DNAH6: variants seen among roughly 807,000 people sequenced by gnomAD.
DNAH6 encodes the protein dynein axonemal heavy chain 6.
DNAH6 carries 340 observed loss-of-function variants against 491.4 expected under a neutral mutation model. The ratio of observed to expected loss-of-function variants is 0.69; its 90% CI spans 0.63 to 0.76. DNAH6 has a LOEUF of 0.76. DNAH6 is among the 30% of genes least tolerant of loss of function. The pLI is 0.00. For synonymous variants in DNAH6, 1,603 were observed against 1,686.1 expected, an observed-to-expected ratio of 0.95 and a Z score of 1.21; for missense variants, 4,443 against 4,972.2, an observed-to-expected ratio of 0.89 and a Z score of 3.20.
At chr2:84,675,380 T>G (rs150586054) in intron 40 of DNAH6, among the ~76,000 whole-genome samples, 96 of 152,304 alleles carry the variant, frequency 6.3e-4, no homozygotes, top group African/African-American at 2.1e-3. Flanking sequence ...CCTTGGTGCT[T>G]TAGATCTGGG....
chr2:84,743,326 G>A (rs559123890), intron 62 of DNAH6, among the ~76,000 whole-genome samples: 13 of 152,200 alleles, frequency 8.5e-5, no homozygotes, highest in Non-Finnish European at 1.2e-4. Flanking sequence ...AGATTTCAAG[G>A]TTTGTTCCAG....
chr2:84,566,824 C>G (rs1004718309), intron 11 of DNAH6, among the ~76,000 whole-genome samples: 1 of 151,872 alleles, frequency 6.6e-6, no homozygotes, highest in Non-Finnish European at 1.5e-5. Flanking sequence ...GTAGAATAGA[C>G]GCCAAAATAC....
intron 18 of DNAH6, among the ~76,000 whole-genome samples, chr2:84,599,024 A>C (rs955059873): frequency 1.7e-5 from 1 of 59,810 alleles, no homozygotes; most frequent in African/African-American, 7.6e-5. Flanking sequence ...AGTGAGACTC[A>C]GTTTCAAAAA....
At position 84,703,560 on chromosome 2, in the gene DNAH6, C is replaced by A. The variant is rs1696135935; in HGVS notation, c.8227C>A (p.Gln2743Lys). 1 of 1,550,126 alleles carries A rather than the reference C, an allele frequency of 6.5e-7. No homozygotes were observed. The highest frequency in any genetic ancestry group is 8.7e-7 in the Non-Finnish European group (1 of 1,146,100). Reference protein sequence around the residue: ...KLAVDQESADQVRNTVQEDEA... With the variant: ...KLAVDQESADKVRNTVQEDEA... ...GGCAGTGGATCAAGAAAGTGCCGAT[C>A]AGGTATGCTGCAGTTCCTGAGAATG... Residue 2743 changes from glutamine (Q) to lysine (K), a missense_variant and splice_region_variant, in exon 50 of 77, where the codon CAG becomes AAG. Gln to Lys is a moderately conservative substitution (Grantham distance 53). This residue lies in a region of DNAH6 where 2,977 missense variants were observed against 3,296.6 expected (regional missense o/e 0.90). Transcript: ENST00000389394.
intron 62 of DNAH6, among the ~76,000 whole-genome samples, chr2:84,735,054 A>G (rs1291376538): frequency 1.3e-5 from 2 of 152,002 alleles, no homozygotes; most frequent in Admixed American, 6.6e-5. Flanking sequence ...GCCTCCCTCC[A>G]TCTGCTCTTT....
chr2:84,747,318 A>G (rs1345786269), intron 63 of DNAH6, among the ~76,000 whole-genome samples: 2 of 152,194 alleles, frequency 1.3e-5, no homozygotes, highest in Admixed American at 6.5e-5. Context: ...CCAAGACACA[A>G]TGATGGTTTG....
chr2:84,581,163 G>A, intron 14 of DNAH6, among the ~76,000 whole-genome samples: 1 of 152,180 alleles, frequency 6.6e-6, no homozygotes, highest in East Asian at 1.9e-4. Flanking sequence ...GGAAGGTAGG[G>A]TCACATCATA....
chr2:84,651,364 G>T (rs1416384850), intron 33 of DNAH6, among the ~76,000 whole-genome samples: 4 of 152,200 alleles, frequency 2.6e-5, no homozygotes, highest in African/African-American at 9.6e-5. Flanking sequence ...CACCGTGGGA[G>T]AATGAGAAGA....
At chr2:84,560,206 A>G (rs538101694) in intron 11 of DNAH6, among the ~76,000 whole-genome samples, 51 of 152,274 alleles carry the variant, frequency 3.3e-4, no homozygotes, top group African/African-American at 1.2e-3. Flanking sequence ...ACCCACAACA[A>G]TCAACTCTAA....
the DNAH6 span, among the ~76,000 whole-genome samples, chr2:84,489,112 T>A: frequency 6.6e-6 from 1 of 152,194 alleles, no homozygotes; most frequent in East Asian, 1.9e-4. Context: ...ACAGTGTGCA[T>A]ATGTAAGAGT....
At chr2:84,622,203 A>G (rs1169266180) in intron 26 of DNAH6, among the ~76,000 whole-genome samples, 1 of 152,138 alleles carries the variant, frequency 6.6e-6, no homozygotes, top group East Asian at 1.9e-4. Flanking sequence ...TTATCCTTCT[A>G]TGACTGACTC....
intron 12 of DNAH6, 141 bp from the exon 13 acceptor site, chr2:84,577,116 A>T (rs926076564): frequency 2.2e-6 from 1 of 462,056 alleles, no homozygotes; most frequent in African/African-American, 2.0e-5. Context: ...TTAAAGTTAC[A>T]TGAGATACTC....
At chr2:84,505,263 G>T in the DNAH6 span, among the ~76,000 whole-genome samples, 2 of 152,160 alleles carry the variant, frequency 1.3e-5, no homozygotes, top group South Asian at 4.1e-4. Context: ...AATTCTTTAA[G>T]ATTTTTATAT....
intron 51 of DNAH6, among the ~76,000 whole-genome samples, chr2:84,704,787 A>G (rs1245460857): frequency 1.3e-5 from 2 of 152,228 alleles, no homozygotes; most frequent in African/African-American, 4.8e-5. Flanking sequence ...CATCTTGGAG[A>G]TATGTAGTTT....
rs1691183100 is a variant in DNAH6, at chr2:84,658,399, C to CAT, written c.5866_5867dup (p.Lys1958AlafsTer13). ...GCAGCCAAGCAATTCCACAAGTGGA[C>CAT]ATCAGCAAAGTTACTACACTCTGTT... On this transcript the variant is annotated frameshift_variant, in exon 36 of 77. Coordinates refer to ENST00000389394, the MANE Select transcript of DNAH6 (RefSeq NM_001370.2). LOFTEE classifies it high-confidence loss of function. 5 of 1,549,178 alleles carry CAT rather than the reference C, an allele frequency of 3.2e-6. No individual in the cohort carries two copies. In the East Asian group the frequency reaches 1.2e-4, roughly 38 times the overall value.
At chr2:84,570,032 A>C (rs947839583) in intron 11 of DNAH6, among the ~76,000 whole-genome samples, 3 of 152,086 alleles carry the variant, frequency 2.0e-5, no homozygotes, top group African/African-American at 7.2e-5. Context: ...GAGCACATCT[A>C]GTATCCACAT....
chr2:84,777,797 C>T (rs1573780226), intron 64 of DNAH6: 1 of 1,093,856 alleles, frequency 9.1e-7, no homozygotes, highest in East Asian at 2.3e-5. Context: ...GGGGAAGCCA[C>T]TTATCTTCCA....
intron 2 of DNAH6, among the ~76,000 whole-genome samples, chr2:84,523,012 AT>A (rs543864357): frequency 2.6e-5 from 4 of 151,520 alleles, no homozygotes; most frequent in Admixed American, 2.0e-4. Context: ...CCCCTTCCTC[AT>A]TTTTTTTAGA....
intron 21 of DNAH6, among the ~76,000 whole-genome samples, chr2:84,607,331 T>C (rs946425810): frequency 6.6e-6 from 1 of 152,200 alleles, no homozygotes; most frequent in Non-Finnish European, 1.5e-5. Flanking sequence ...TTCAATGATA[T>C]TGTAGATTTG....
Sources: gnomAD v4.1 joint callset for allele counts (sites outside exome capture counted in the v4.1 genomes callset) on GRCh38, gnomAD v4.1.1 for gene constraint, gnomAD v4.1.1 regional missense constraint, MANE v1.5 for transcripts, NCBI Gene and HGNC (gene_info 2026-07-23, HGNC 2026-07-21) for gene names.